Variants in NSG1 observed in about 807,000 individuals in gnomAD.
NSG1 encodes the protein neuronal vesicle trafficking associated 1, also known as neuronal vesicle trafficking-associated protein 1.
A neutral mutation model predicts 19.3 loss-of-function variants in NSG1; 9 were observed. That is an observed-to-expected ratio of 0.47 (90% confidence interval 0.28 to 0.81). The LOEUF is 0.81. Among genes scored for constraint, NSG1 ranks in the 40% least tolerant of loss-of-function variants. The pLI, the probability that NSG1 is intolerant of heterozygous loss-of-function variation, is 0.11. For missense variants in NSG1, 236 were observed against 242.4 expected, an observed-to-expected ratio of 0.97 and a Z score of 0.18; for synonymous variants, 104 against 107.0, an observed-to-expected ratio of 0.97 and a Z score of 0.17.
intron 3 of NSG1, among the ~76,000 whole-genome samples, chr4:4,393,827 C>G (rs753713639): frequency 3.9e-5 from 6 of 152,104 alleles, no homozygotes; most frequent in Non-Finnish European, 8.8e-5. Context: ...TCCCATGGGA[C>G]GCCTGCTGCT....
chr4:4,416,532 A>C (rs1293334464), intron 4 of NSG1, among the ~76,000 whole-genome samples: 3 of 152,102 alleles, frequency 2.0e-5, no homozygotes, highest in Admixed American at 6.5e-5. Flanking sequence ...ACAGCTGCCA[A>C]AACAGGGAAA....
intron 4 of NSG1, among the ~76,000 whole-genome samples, chr4:4,415,552 C>T (rs900233738): frequency 6.6e-6 from 1 of 152,070 alleles, no homozygotes; most frequent in South Asian, 2.1e-4. Flanking sequence ...CCCTTCACCC[C>T]CTGGGGTGCT....
In NSG1 at chr4:4,418,141, A is replaced by G. The variant is rs910958620; in HGVS notation, c.*706A>G. On this transcript the variant is annotated 3_prime_UTR_variant, in exon 5 of 5. Coordinates refer to ENST00000621129, the MANE Select transcript of NSG1 (RefSeq NM_014392.5). ...TCCAGTGTGTGTAGACTGGCAGAGC[A>G]TGTGAGGGAGAGGGCTGGGAAGAGA... 2 of 153,042 alleles carry G rather than the reference A, an allele frequency of 1.3e-5. No individual in the cohort carries two copies. Among genetic ancestry groups the G allele is most frequent in the Non-Finnish European group, 2.9e-5 (2 of 68,788 alleles). 9.5% of individuals were successfully genotyped at this position (153,042 alleles called of 1,614,324 possible). A position where few individuals can be genotyped will look rare whatever the true frequency, so the allele number is the denominator to read the frequency against.
At chr4:4,410,461 C>T (rs748616398) in intron 4 of NSG1, among the ~76,000 whole-genome samples, 6 of 152,190 alleles carry the variant, frequency 3.9e-5, no homozygotes, top group Non-Finnish European at 7.3e-5. Flanking sequence ...TGTACACCCA[C>T]GCGGCCCAGC....
chr4:4,391,579 C>T lies in NSG1; in HGVS notation c.234C>T (p.Thr78=), dbSNP rs748239676. The stretch of plus-strand genomic sequence containing the variant: ...CCGTCAGCATCACGGAGGGTGTCAC[C>T]GAGAGGTTTAAGGTGAGTGGTCCTG... ...EFTVSITEGV[T]ERFKVSVLVL... Residue 78 remains threonine (T), a synonymous_variant, in exon 3 of 5, where the codon ACC becomes ACT. Transcript: ENST00000621129. 2.2e-5 allele frequency: 36 copies of T among 1,609,996 alleles called. No individual in the cohort carries two copies. Among genetic ancestry groups the T allele is most frequent in the Middle Eastern group, 1.7e-4 (1 of 6,002 alleles).
intron 2 of NSG1, among the ~76,000 whole-genome samples, chr4:4,389,346 G>A (rs762995372): frequency 2.6e-5 from 4 of 152,210 alleles, no homozygotes; most frequent in African/African-American, 4.8e-5. Flanking sequence ...CGTCCGAAGC[G>A]GGGCAGCCAG....
In NSG1 at chr4:4,410,573, GGTAA is replaced by G. The variant is rs537437144; in HGVS notation, c.357+894_357+897del. The stretch of plus-strand genomic sequence containing the variant: ...ACAATGTAGGCAGTTGTCACACGAT[GGTAA>G]GTATTTGTGTATCTAAACATAGAAG... On this transcript the variant is annotated intron_variant, in intron 4 of 4. Transcript: ENST00000621129. Among the ~76,000 whole-genome samples, 1,191 of 152,268 alleles carry G rather than the reference GGTAA, an allele frequency of 7.8e-3. 13 individuals are homozygous for G. Among genetic ancestry groups the G allele is most frequent in the African/African-American group, 0.027 (1,132 of 41,554 alleles).
intron 3 of NSG1, among the ~76,000 whole-genome samples, chr4:4,405,948 T>G (rs1723830469): frequency 6.6e-6 from 1 of 152,096 alleles, no homozygotes; most frequent in African/African-American, 2.4e-5. Flanking sequence ...TCTAGACAGG[T>G]GGGGTACCAG....
intron 2 of NSG1, among the ~76,000 whole-genome samples, chr4:4,391,229 G>C (rs1336477117): frequency 1.3e-5 from 2 of 152,222 alleles, no homozygotes; most frequent in African/African-American, 4.8e-5. Flanking sequence ...CTTGGCCAAT[G>C]AGCTTAACTT....
At chr4:4,406,217 C>T (rs1477375880) in intron 3 of NSG1, among the ~76,000 whole-genome samples, 11 of 152,032 alleles carry the variant, frequency 7.2e-5, no homozygotes, top group Non-Finnish European at 1.2e-4. Flanking sequence ...TTAGTAGAGA[C>T]GGGGTCTCAC....
chr4:4,404,518 A>AG (rs760603039), intron 3 of NSG1, among the ~76,000 whole-genome samples: 11 of 70,332 alleles, frequency 1.6e-4, no homozygotes, highest in African/African-American at 1.1e-3. Flanking sequence ...AGTCCCTGGC[A>AG]TGAATGGCTA....
chr4:4,399,724 G>A (rs989578167), intron 3 of NSG1, among the ~76,000 whole-genome samples: 1 of 152,168 alleles, frequency 6.6e-6, no homozygotes, highest in Non-Finnish European at 1.5e-5. Context: ...CCAGGGACTG[G>A]TTTTGTGGAA....
At position 4,387,771 on chromosome 4, in the gene NSG1, A is replaced by G. The variant is rs369305043; in HGVS notation, c.129+13A>G. 6 of 1,567,644 alleles carry G rather than the reference A, an allele frequency of 3.8e-6. No homozygotes were observed. The Admixed American group carries it at 5.1e-5, about 13-fold the overall frequency. On this transcript the variant is annotated intron_variant, in intron 2 of 4. Coordinates refer to ENST00000621129, the MANE Select transcript of NSG1 (RefSeq NM_014392.5). ...GCCCCCGGATAAGGTAAGCCCCCCCACGCCCCTCCACGTTGCCGGGTGTGC... is the reference window on the plus strand; with the variant it reads ...GCCCCCGGATAAGGTAAGCCCCCCCGCGCCCCTCCACGTTGCCGGGTGTGC...
chr4:4,386,999 C>G (rs1722751203), upstream of NSG1: 1 of 152,058 alleles, frequency 6.6e-6, no homozygotes, highest in South Asian at 2.1e-4. Flanking sequence ...GCACCCAGCC[C>G]CCGGGAGAGG....
chr4:4,395,019 T>G (rs1238421379), intron 3 of NSG1, among the ~76,000 whole-genome samples: 3 of 152,226 alleles, frequency 2.0e-5, no homozygotes, highest in African/African-American at 7.2e-5. Context: ...CCTGTTGCTG[T>G]GGCATACTTC....
In NSG1 at chr4:4,409,900, C is replaced by T. The variant is rs115399597; in HGVS notation, c.357+217C>T. Among the ~76,000 whole-genome samples the T allele has an allele frequency of 2.9e-3, 449 of 152,328 alleles. 4 individuals are homozygous for T. The highest frequency in any genetic ancestry group is 0.01 in the African/African-American group (435 of 41,580). On this transcript the variant is annotated intron_variant, in intron 4 of 4. Coordinates refer to ENST00000621129, the MANE Select transcript of NSG1 (RefSeq NM_014392.5). ...ATGAGACCCACAGGAAGGAAACTCC[C>T]GGACTTGGCCCCTGGGAGCTGACCT...
intron 4 of NSG1, among the ~76,000 whole-genome samples, chr4:4,411,760 AAAC>A (rs894875225): frequency 4.1e-5 from 4 of 97,156 alleles, no homozygotes; most frequent in Non-Finnish European, 6.2e-5. Context: ...AAACAAAACA[AAAC>A]AAAACAAAAC....
chr4:4,395,914 G>A (rs753999787), intron 3 of NSG1, among the ~76,000 whole-genome samples: 3 of 152,074 alleles, frequency 2.0e-5, no homozygotes, highest in Non-Finnish European at 4.4e-5. Context: ...GTGTCTTTTT[G>A]CATGCAGCTT....
intron 1 of NSG1, 50 bp from the exon 2 acceptor site, chr4:4,387,554 C>T: frequency 1.4e-6 from 1 of 707,394 alleles, no homozygotes. Flanking sequence ...TCCCCCCCGC[C>T]CCGCCCCGGG....
Sources: allele counts gnomAD v4.1 joint callset (sites outside exome capture counted in the v4.1 genomes callset), GRCh38; gene constraint gnomAD v4.1.1; transcripts MANE v1.5; gene names NCBI Gene and HGNC (gene_info 2026-07-23, HGNC 2026-07-21).